Variants in NPHS1 observed in about 807,000 individuals in gnomAD.
The protein encoded by NPHS1 is nephrin.
NPHS1 carries 107 observed loss-of-function variants against 139.7 expected under a neutral mutation model. The observed-to-expected ratio is 0.77, with a 90% CI of 0.66 to 0.90. The LOEUF is 0.90. NPHS1 is among the 40% of genes least tolerant of loss of function. NPHS1 has a pLI of 0.00. For synonymous variants in NPHS1, 707 were observed against 706.6 expected, an observed-to-expected ratio of 1.00 and a Z score of -0.01; for missense variants, 1,580 against 1,654.2, an observed-to-expected ratio of 0.96 and a Z score of 0.78.
intron 22 of NPHS1, among the ~76,000 whole-genome samples, chr19:35,837,510 T>C (rs1274122387): frequency 6.6e-6 from 1 of 152,244 alleles, no homozygotes; most frequent in Admixed American, 6.5e-5. Context: ...TTCATTCATT[T>C]CTGCTCTTAC....
At chr19:35,850,595 C>T (rs1290427660) in intron 4 of NPHS1, 150 bp from the exon 5 acceptor site, 11 of 759,732 alleles carry the variant, frequency 1.4e-5, no homozygotes, top group Admixed American at 2.0e-5. Flanking sequence ...CATCCCCTCC[C>T]GACTTTCTGG....
intron 23 of NPHS1, among the ~76,000 whole-genome samples, chr19:35,832,025 C>T (rs1972892761): frequency 6.6e-6 from 1 of 152,218 alleles, no homozygotes; most frequent in African/African-American, 2.4e-5. Context: ...GGAGCTTCAG[C>T]TCGTTAGCTG....
In NPHS1 at chr19:35,848,252, C is replaced by T; in HGVS notation, c.1315+1G>A. On this transcript the variant is annotated splice_donor_variant, in intron 10 of 28. Transcript: ENST00000378910. LOFTEE classifies it high-confidence loss of function. ...ATTGCTGGGCCAGGGCAGGGGCTCA[C>T]ATTTTACGTTCAGGATGAGCGACTT... The T allele has an allele frequency of 6.2e-7, 1 of 1,614,130 alleles. No individual in the cohort carries two copies. The highest frequency in any genetic ancestry group is 8.5e-7 in the Non-Finnish European group (1 of 1,180,010).
chr19:35,847,196 C>G (rs1973155538), intron 11 of NPHS1, among the ~76,000 whole-genome samples: 3 of 152,060 alleles, frequency 2.0e-5, no homozygotes, highest in Non-Finnish European at 2.9e-5. Context: ...CAGGCACCTG[C>G]CACCACGCCT....
rs571986062 is a variant in NPHS1, at chr19:35,841,785, G to A, written c.2745C>T (p.Tyr915=). ...TIANVSAAQD[Y]ALFTCTATNA... is the part of the protein sequence containing the mutation. ...TGGTGGCTGTACATGTGAAGAGGGCGTAATCCTGGGCGGCAGACACGTTGG... is the reference window on the plus strand; with the variant it reads ...TGGTGGCTGTACATGTGAAGAGGGCATAATCCTGGGCGGCAGACACGTTGG... Residue 915 remains tyrosine, a synonymous_variant, in exon 20 of 29, where the codon TAC becomes TAT. Transcript: ENST00000378910. 310 of 1,614,172 alleles carry A rather than the reference G, an allele frequency of 1.9e-4. No homozygotes were observed. The South Asian group carries it at 2.3e-3, about 12-fold the overall frequency.
Position 35,845,287 on chromosome 19 carries a change from A to G in NPHS1, c.1930+81T>C, listed in dbSNP as rs1827673318. ...AGAGAGAGAGAGAGAGAAGAGAAAA[A>G]GAAGGAAAAAAAGGTAAGACCCAAG... On this transcript the variant is annotated intron_variant, in intron 14 of 28. Coordinates refer to ENST00000378910, the MANE Select transcript of NPHS1 (RefSeq NM_004646.4). This position sits in a 1 kb window ranked among gnomAD's most constrained non-coding sequence, Gnocchi z 5.5. The G allele has an allele frequency of 3.4e-6, 5 of 1,480,312 alleles. No individual in the cohort carries two copies. The highest frequency in any genetic ancestry group is 4.7e-6 in the Non-Finnish European group (5 of 1,061,706). 91.7% of individuals were successfully genotyped at this position (1,480,312 alleles called of 1,614,324 possible). A position where few individuals can be genotyped will look rare whatever the true frequency, so the allele number is the denominator to read the frequency against.
Position 35,846,045 on chromosome 19 carries a change from A to G in NPHS1, c.1590T>C (p.Ala530=). The G allele has an allele frequency of 6.3e-7, 1 of 1,593,348 alleles. No individual in the cohort carries two copies. The highest frequency in any genetic ancestry group is 8.5e-7 in the Non-Finnish European group (1 of 1,170,426). The change falls in exon 12 of 29, where the codon GCT becomes GCC. Residue 530 remains alanine, a synonymous_variant. Transcript: ENST00000378910. ...SDNQAKFTCK[A]GQLSASTQLA... is the part of the protein sequence containing the mutation. ...GCTGCGTGGACGCGCTGAGCTGTCC[A>G]GCCTTGCACGTGAACTTGGCCTGGT...
intron 20 of NPHS1, among the ~76,000 whole-genome samples, chr19:35,840,257 G>A (rs2146817313): frequency 6.6e-6 from 1 of 151,702 alleles, no homozygotes; most frequent in South Asian, 2.1e-4. Context: ...CACCCGCCTT[G>A]GCCTCCCAAA....
chr19:35,839,810 T>C (rs2146816840), intron 20 of NPHS1, among the ~76,000 whole-genome samples: 1 of 150,998 alleles, frequency 6.6e-6, no homozygotes, highest in Admixed American at 6.6e-5. Context: ...TGAGACCAAG[T>C]CTGAAAGATG....
rs753965461 is a variant in NPHS1 at position 35,851,320 on chromosome 19, G to A, written c.339C>T (p.Val113=). The change falls in exon 3 of 29, where the codon GTC becomes GTT. Residue 113 remains valine, a synonymous_variant. Transcript: ENST00000378910. ...LSDDAEYECQ[V]GRSEMGPELV... ...GCTCGGGCCCCATCTCAGAGCGGCCGACCTGGCACTCATACTCCGCGTCAT... is the reference window on the plus strand; with the variant it reads ...GCTCGGGCCCCATCTCAGAGCGGCCAACCTGGCACTCATACTCCGCGTCAT... The A allele has an allele frequency of 3.1e-6, 5 of 1,613,928 alleles. No individual in the cohort carries two copies. In the South Asian group the frequency reaches 3.3e-5, roughly 11 times the overall value.
At chr19:35,842,055 A>G in intron 19 of NPHS1, 69 bp downstream of exon 19, 6 of 1,526,194 alleles carry the variant, frequency 3.9e-6, no homozygotes, top group Admixed American at 1.9e-5. Context: ...GCAGGGACTC[A>G]GGGAGGGGAA....
chr19:35,841,977 T>C, intron 19 of NPHS1, 111 bp from the exon 20 acceptor site: 1 of 1,412,916 alleles, frequency 7.1e-7, no homozygotes. Flanking sequence ...TATCCATTCA[T>C]CCATTTATCT....
intron 28 of NPHS1, among the ~76,000 whole-genome samples, chr19:35,829,694 A>G (rs1972849390): frequency 6.6e-6 from 1 of 152,090 alleles, no homozygotes; most frequent in Admixed American, 6.6e-5. Context: ...GTGTGCCACC[A>G]CATCCAGATA....
Position 35,831,287 on chromosome 19 carries a change from C to A in NPHS1, c.3387+9G>T. 6.2e-7 allele frequency: 1 copy of A among 1,613,876 alleles called. No homozygotes were observed. The highest frequency in any genetic ancestry group is 8.5e-7 in the Non-Finnish European group (1 of 1,179,858). ...TGATTGTGGGGTCACCAGGGCCACC[C>A]CCACTTACCGTGGAGCTCTGAGTGT... On this transcript the variant is annotated intron_variant, in intron 26 of 28. Coordinates refer to ENST00000378910, the MANE Select transcript of NPHS1 (RefSeq NM_004646.4).
rs765373994 is a variant in NPHS1, at chr19:35,846,151, C to G, written c.1484G>C (p.Arg495Pro). Residue 495 changes from arginine to proline, a missense_variant, in exon 12 of 29, where the codon CGG becomes CCG. By Grantham distance (103) the Arg-to-Pro change is moderately radical. Transcript: ENST00000378910. ...VTESRLPQES[R>P]RVHLGSVEKS... ...CTCCACGCTGCCGAGATGCACGCGCCGCGACTCCTGCGGCAGCCGCGACTC... is the reference window on the plus strand; with the variant it reads ...CTCCACGCTGCCGAGATGCACGCGCGGCGACTCCTGCGGCAGCCGCGACTC... The G allele has an allele frequency of 6.3e-7, 1 of 1,597,370 alleles. No individual in the cohort carries two copies. Among genetic ancestry groups the G allele is most frequent in the Non-Finnish European group, 8.5e-7 (1 of 1,173,552 alleles).
chr19:35,831,850 A>G, intron 23 of NPHS1, 88 bp from the exon 24 acceptor site: 3 of 1,385,320 alleles, frequency 2.2e-6, no homozygotes, highest in Non-Finnish European at 2.0e-6. Context: ...AGCCCTGACC[A>G]AGTCCCTCCC....
chr19:35,844,268 C>G, intron 15 of NPHS1, 25 bp from the exon 16 acceptor site: 2 of 1,613,772 alleles, frequency 1.2e-6, no homozygotes, highest in Non-Finnish European at 1.7e-6. Context: ...AATAAGGGAC[C>G]TGGCAGGACC....
chr19:35,845,357 G>C lies in NPHS1; in HGVS notation c.1930+11C>G, dbSNP rs575919932. 1.2e-6 allele frequency: 2 copies of C among 1,614,168 alleles called. No individual in the cohort carries two copies. Among genetic ancestry groups the C allele is most frequent in the Admixed American group, 3.3e-5 (2 of 60,034 alleles). ...AGGCATCGAGAGGGGCTTTCAGGCC[G>C]GGGCACATACACAGTACGTTGAGGC... On this transcript the variant is annotated intron_variant, in intron 14 of 28. Coordinates refer to ENST00000378910, the MANE Select transcript of NPHS1 (RefSeq NM_004646.4). The surrounding 1 kb of genome is among the most constrained non-coding windows in gnomAD (Gnocchi z 5.5).
At chr19:35,837,956 A>AC (rs1568451563) in intron 22 of NPHS1, among the ~76,000 whole-genome samples, 1 of 151,460 alleles carries the variant, frequency 6.6e-6, no homozygotes, top group Non-Finnish European at 1.5e-5. Context: ...AAAAAAAAAA[A>AC]AAAACGAAAA....
Sources: allele counts gnomAD v4.1 joint callset (sites outside exome capture counted in the v4.1 genomes callset), GRCh38; gene constraint gnomAD v4.1.1; non-coding constraint Gnocchi (gnomAD v3.1); transcripts MANE v1.5; gene names NCBI Gene and HGNC (gene_info 2026-07-23, HGNC 2026-07-21).